The following SEPTIN10 variants were observed in gnomAD, a reference collection of about 807,000 sequenced individuals.
SEPTIN10 encodes septin 10, also known as septin-10.
Under a neutral mutation model 54.8 loss-of-function variants are expected in SEPTIN10, and 66 were observed. The observed-to-expected ratio is 1.21, with a 90% CI of 0.99 to 1.48. SEPTIN10 has a LOEUF of 1.48. SEPTIN10 is among the 40% of genes most tolerant of loss of function. SEPTIN10 has a pLI of 0.00. For missense variants in SEPTIN10, 620 were observed against 545.6 expected (o/e 1.14, Z -1.36); for synonymous variants, 161 against 181.0 (o/e 0.89, Z 0.89).
intron 1 of SEPTIN10, among the ~76,000 whole-genome samples, chr2:109,602,072 G>A (rs1485492214): frequency 1.3e-5 from 2 of 152,182 alleles, no homozygotes; most frequent in South Asian, 2.1e-4. Flanking sequence ...TGCCTAGGAA[G>A]CACTGAGCTC....
At chr2:109,609,643 A>T (rs1216253195) in intron 1 of SEPTIN10, among the ~76,000 whole-genome samples, 1 of 152,008 alleles carries the variant, frequency 6.6e-6, no homozygotes, top group East Asian at 1.9e-4. Flanking sequence ...AAGATCAAGA[A>T]AGAATTAAGA....
intron 5 of SEPTIN10, among the ~76,000 whole-genome samples, chr2:109,573,826 T>C (rs1688957822): frequency 6.6e-6 from 1 of 152,220 alleles, no homozygotes; most frequent in Admixed American, 6.5e-5. Flanking sequence ...TAAATTTATA[T>C]ATAGCTCCTT....
intron 2 of SEPTIN10, among the ~76,000 whole-genome samples, chr2:109,586,215 CA>C (rs1692496304): frequency 6.6e-6 from 1 of 151,992 alleles, no homozygotes; most frequent in Non-Finnish European, 1.5e-5. Flanking sequence ...AAAAAAAGCA[CA>C]AAACAAAAGT....
intron 2 of SEPTIN10, among the ~76,000 whole-genome samples, chr2:109,586,745 T>A (rs28572736): frequency 0.012 from 1,884 of 152,284 alleles, 17 homozygotes; most frequent in Middle Eastern, 0.02. Flanking sequence ...AAGAGTCTCC[T>A]GTAAACACCC....
chr2:109,558,101 T>C (rs1300545853), intron 8 of SEPTIN10, among the ~76,000 whole-genome samples: 1 of 152,206 alleles, frequency 6.6e-6, no homozygotes, highest in Non-Finnish European at 1.5e-5. Flanking sequence ...CTGACATGAA[T>C]ATTTAATGCC....
chr2:109,551,180 A>ATGTTCACACACTATTATC (rs1271331055), intron 9 of SEPTIN10, among the ~76,000 whole-genome samples: 1 of 152,188 alleles, frequency 6.6e-6, no homozygotes, highest in Non-Finnish European at 1.5e-5. Flanking sequence ...TAGTCATCTA[A>ATGTTCACACACTATTATC]TGTTCACACA....
intron 1 of SEPTIN10, among the ~76,000 whole-genome samples, chr2:109,598,767 G>A (rs1695891425): frequency 2.6e-5 from 4 of 151,984 alleles, no homozygotes; most frequent in Non-Finnish European, 1.5e-5. Flanking sequence ...TTGCTCATTT[G>A]TTCCATTTAC....
At chr2:109,582,106 A>T (rs28594397) in intron 4 of SEPTIN10, among the ~76,000 whole-genome samples, 2 of 126,606 alleles carry the variant, frequency 1.6e-5, no homozygotes, top group Admixed American at 1.7e-4. Context: ...ACACACACAC[A>T]CACACACTCA....
At chr2:109,553,796 G>A (rs1683688756) in intron 8 of SEPTIN10, among the ~76,000 whole-genome samples, 2 of 151,804 alleles carry the variant, frequency 1.3e-5, no homozygotes, top group Middle Eastern at 3.2e-3. Context: ...GAAGGTTGCA[G>A]TGAGCCAAGA....
rs1681335328 is a variant in SEPTIN10 at position 109,546,681 on chromosome 2, TA to T, written c.1162-445del. ...AAACAGTTATTGAAAACTGTACTAG[TA>T]AACATCACTGGAAAGCAAGTGTCAA... On this transcript the variant is annotated intron_variant, in intron 9 of 10. Transcript: ENST00000397712. Among the ~76,000 whole-genome samples, 5 of 152,272 alleles carry T rather than the reference TA, an allele frequency of 3.3e-5. No homozygotes were observed. The South Asian group carries it at 1.0e-3, about 32-fold the overall frequency.
chr2:109,545,829 G>T, intron 10 of SEPTIN10: 1 of 1,429,662 alleles, frequency 7.0e-7, no homozygotes, highest in South Asian at 1.6e-5. Flanking sequence ...CATTCATTTT[G>T]GCAAATACTG....
Position 109,564,353 on chromosome 2 carries a change from A to AACCCC in SEPTIN10, c.1028+8_1028+12dup, listed in dbSNP as rs1352137884. ...CTTCCTCTTTGGTTGGCTTCCCAAG[A>AACCCC]ACCCCACCCTACCTGACTGGCTTGT... On this transcript the variant is annotated intron_variant, in intron 8 of 10. Coordinates refer to ENST00000397712, the MANE Select transcript of SEPTIN10 (RefSeq NM_144710.5). The AACCCC allele has an allele frequency of 6.6e-7, 1 of 1,516,440 alleles. No homozygotes were observed. The highest frequency in any genetic ancestry group is 1.4e-5 in the African/African-American group (1 of 72,154). 93.9% of individuals were successfully genotyped at this position (1,516,440 alleles called of 1,614,324 possible). A position where few individuals can be genotyped will look rare whatever the true frequency, so the allele number is the denominator to read the frequency against.
chr2:109,555,267 T>G (rs1429538370), intron 8 of SEPTIN10, among the ~76,000 whole-genome samples: 3 of 152,214 alleles, frequency 2.0e-5, no homozygotes, highest in Non-Finnish European at 4.4e-5. Flanking sequence ...CCTTTCCAGA[T>G]TGATTTCTCA....
chr2:109,556,730 A>T (rs1462993534), intron 8 of SEPTIN10, among the ~76,000 whole-genome samples: 1 of 152,050 alleles, frequency 6.6e-6, no homozygotes, highest in Non-Finnish European at 1.5e-5. Flanking sequence ...ACATTTCACT[A>T]GTCCAACATG....
chr2:109,589,052 T>C (rs767235754), intron 2 of SEPTIN10, among the ~76,000 whole-genome samples: 2 of 152,012 alleles, frequency 1.3e-5, no homozygotes, highest in Non-Finnish European at 2.9e-5. Flanking sequence ...CACCTCAGCC[T>C]CTGGAGTAGT....
rs750537247 is a variant in SEPTIN10 at position 109,567,825 on chromosome 2, G to C, written c.752C>G (p.Ala251Gly). 1 of 1,601,678 alleles carries C rather than the reference G, an allele frequency of 6.2e-7. No homozygotes were observed. Residue 251 changes from alanine to glycine, a missense_variant, in exon 6 of 11, where the codon GCT (alanine) becomes GGT (glycine). Transcript: ENST00000397712. ...CAATCAGGAGCTCACATTCATTGCA[G>C]CGTTGACCTTAGCAATAGTGTCATC... ...TDDDTIAKVN[A>G]AMNGQLPFAV...
intron 1 of SEPTIN10, chr2:109,594,851 A>C (rs1010500669): frequency 4.6e-5 from 7 of 152,186 alleles, no homozygotes; most frequent in African/African-American, 1.7e-4. Flanking sequence ...CATTTTGATA[A>C]AATAGGCTGA....
intron 2 of SEPTIN10, among the ~76,000 whole-genome samples, chr2:109,586,394 AGTTTATC>A (rs1692545470): frequency 6.6e-6 from 1 of 151,948 alleles, no homozygotes; most frequent in African/African-American, 2.4e-5. Context: ...AGGTGAGATG[AGTTTATC>A]TAGCTTTTTC....
intron 9 of SEPTIN10, among the ~76,000 whole-genome samples, chr2:109,549,495 T>C (rs1196358885): frequency 6.6e-6 from 1 of 152,208 alleles, no homozygotes; most frequent in East Asian, 1.9e-4. Context: ...AACTATTCCA[T>C]ACACATGAAG....
Sources: allele counts gnomAD v4.1 joint callset (sites outside exome capture counted in the v4.1 genomes callset), GRCh38; gene constraint gnomAD v4.1.1; transcripts MANE v1.5; gene names NCBI Gene and HGNC (gene_info 2026-07-23, HGNC 2026-07-21).